Variants in CRAT observed in about 807,000 individuals in gnomAD.
CRAT encodes carnitine O-acetyltransferase.
CRAT carries 66 observed loss-of-function variants against 73.7 expected under a neutral mutation model. The ratio of observed to expected loss-of-function variants is 0.90; its 90% CI spans 0.73 to 1.10. The LOEUF is 1.10. CRAT is among the 50% of genes least tolerant of loss of function. The pLI, the probability that CRAT is intolerant of heterozygous loss-of-function variation, is 0.00. For synonymous variants in CRAT, 321 were observed against 343.2 expected, an observed-to-expected ratio of 0.94 and a Z score of 0.71; for missense variants, 745 against 846.9, an observed-to-expected ratio of 0.88 and a Z score of 1.49.
Position 129,100,469 on chromosome 9 carries a change from G to A in CRAT, c.984+42C>T, listed in dbSNP as rs771433014. On this transcript the variant is annotated intron_variant, in intron 7 of 13. Transcript: ENST00000318080. ...GAAGTCCCGAGGCTGCAGAGGTCCT[G>A]TTCAGGTGTGTGTGAGTGGGCGAAG... The A allele has an allele frequency of 9.5e-6, 15 of 1,587,166 alleles. No individual in the cohort carries two copies. In the South Asian group the frequency reaches 1.7e-4, roughly 18 times the overall value.
At chr9:129,102,344 C>T (rs1335341411) in intron 5 of CRAT, 56 bp downstream of exon 5, 22 of 1,605,662 alleles carry the variant, frequency 1.4e-5, no homozygotes, top group African/African-American at 6.7e-5. Flanking sequence ...TGCGGCCGTC[C>T]GGCTGTACTC....
At chr9:129,109,780 T>C (rs754341878) in intron 1 of CRAT, among the ~76,000 whole-genome samples, 11 of 151,838 alleles carry the variant, frequency 7.2e-5, no homozygotes, top group Non-Finnish European at 1.3e-4. Context: ...CAGCAACATA[T>C]GCTTGGATCA....
Position 129,110,420 on chromosome 9 carries a change from A to T in CRAT, c.27+63T>A. The T allele has an allele frequency of 6.8e-7, 1 of 1,476,306 alleles. No individual in the cohort carries two copies. Among genetic ancestry groups the T allele is most frequent in the Non-Finnish European group, 9.0e-7 (1 of 1,116,080 alleles). 91.5% of individuals were successfully genotyped at this position (1,476,306 alleles called of 1,614,324 possible). On this transcript the variant is annotated intron_variant, in intron 1 of 13. Transcript: ENST00000318080. This position sits in a 1 kb window ranked among gnomAD's most constrained non-coding sequence, Gnocchi z 5.3. The stretch of plus-strand genomic sequence containing the variant: ...CGCAGGACGCGGTCTCCGTTCCCGG[A>T]CGCAACCGCACGGCCCGCCCAGGCC...
At position 129,102,076 on chromosome 9, in the gene CRAT, G is replaced by A. The variant is rs1422457510; in HGVS notation, c.631-19C>T. 2 of 1,611,076 alleles carry A rather than the reference G, an allele frequency of 1.2e-6. No homozygotes were observed. The highest frequency in any genetic ancestry group is 1.7e-6 in the Non-Finnish European group (2 of 1,178,420). On this transcript the variant is annotated intron_variant, in intron 5 of 13. Transcript: ENST00000318080. ...CAAAAAACTGTTGGGGCACAGGCAG[G>A]TAAGAGGAGGGAGCTGAGTGGGGAC...
rs139321162 is a variant in CRAT, at chr9:129,107,841, C to G, written c.264G>C (p.Glu88Asp). Residue 88 changes from glutamate to aspartate, a missense_variant, in exon 2 of 14, where the codon GAG (glutamate) becomes GAC (aspartate). Physicochemically the swap from Glu to Asp is conservative, Grantham distance 45. Coordinates refer to ENST00000318080, the MANE Select transcript of CRAT (RefSeq NM_000755.5). The surrounding 1 kb of genome is among the most constrained non-coding windows in gnomAD (Gnocchi z 5.0). Reference protein sequence around the residue: ...GVGERLQKGLERRARKTENWL... With the variant: ...GVGERLQKGLDRRARKTENWL... The stretch of plus-strand genomic sequence containing the variant: ...AGTTCTCCGTCTTCCTGGCCCGACG[C>G]TCCAGCCCCTTCTGCAGGCGCTCCC... The G allele has an allele frequency of 6.2e-7, 1 of 1,612,844 alleles. No homozygotes were observed. Among genetic ancestry groups the G allele is most frequent in the African/African-American group, 1.3e-5 (1 of 74,922 alleles).
In CRAT at chr9:129,098,549, G is replaced by C. The variant is rs907347163; in HGVS notation, c.1187C>G (p.Ala396Gly). 5.6e-6 allele frequency: 9 copies of C among 1,607,608 alleles called. No homozygotes were observed. Among genetic ancestry groups the C allele is most frequent in the African/African-American group, 1.3e-5 (1 of 74,328 alleles). ...CACTTACATGCTGAGGTTCTGCTTG[G>C]CCTTCTCGATGTCGCTCTTGATCTC... is the stretch of plus-strand genomic sequence containing the variant. ...TPEIKSDIEK[A>G]KQNLSIMIQD... The change falls in exon 9 of 14, where the codon GCC becomes GGC. Residue 396 changes from alanine to glycine, a missense_variant. Physicochemically the swap from Ala to Gly is moderately conservative, Grantham distance 60. Transcript: ENST00000318080.
chr9:129,102,559 G>T lies in CRAT; in HGVS notation c.471C>A (p.Thr157=), dbSNP rs764405623. Residue 157 remains threonine, a synonymous_variant, in exon 5 of 14, where the codon ACC becomes ACA. Coordinates refer to ENST00000318080, the MANE Select transcript of CRAT (RefSeq NM_000755.5). ...LDFKVMIDNE[T]LPVEYLGGKP... is the part of the protein sequence containing the mutation. Reference sequence around the variant, plus strand: ...TCCCCCCCAGGTACTCCACGGGCAGGGTCTCGCTATGGGGTAGAGGGGCAG... The same window carrying T: ...TCCCCCCCAGGTACTCCACGGGCAGTGTCTCGCTATGGGGTAGAGGGGCAG... The T allele has an allele frequency of 6.2e-7, 1 of 1,613,944 alleles. No individual in the cohort carries two copies. Among genetic ancestry groups the T allele is most frequent in the Non-Finnish European group, 8.5e-7 (1 of 1,179,994 alleles).
chr9:129,105,098 G>A (rs1847936950), intron 2 of CRAT, among the ~76,000 whole-genome samples: 1 of 149,992 alleles, frequency 6.7e-6, no homozygotes, highest in Non-Finnish European at 1.5e-5. Flanking sequence ...GTAGAGACGG[G>A]GTTTCACCGT....
Position 129,110,520 on chromosome 9 carries a change from C to T in CRAT, c.-11G>A, listed in dbSNP as rs748899552. ...AGCGAAGGCTAACATCTTCGCTGCC[C>T]GTCCGCGGACACGCAGTCCGCTCCG... On this transcript the variant is annotated 5_prime_UTR_variant, in exon 1 of 14. Transcript: ENST00000318080. The surrounding 1 kb of genome is among the most constrained non-coding windows in gnomAD (Gnocchi z 5.3). 11 of 1,576,450 alleles carry T rather than the reference C, an allele frequency of 7.0e-6. No homozygotes were observed. In the South Asian group the frequency reaches 8.1e-5, roughly 12 times the overall value.
At chr9:129,102,610 G>A in intron 4 of CRAT, 45 bp from the exon 5 acceptor site, 1 of 1,605,682 alleles carries the variant, frequency 6.2e-7, no homozygotes, top group Non-Finnish European at 8.5e-7. Flanking sequence ...GCAAGTGAAT[G>A]GGGAGGAGGG....
At chr9:129,109,351 G>T in intron 1 of CRAT, 6 of 1,150,554 alleles carry the variant, frequency 5.2e-6, no homozygotes, top group South Asian at 5.2e-5. Flanking sequence ...CAGAAGCCCT[G>T]CCTATTTCCT....
chr9:129,095,389 C>A lies in CRAT; in HGVS notation c.*8G>T. 2 of 1,608,694 alleles carry A rather than the reference C, an allele frequency of 1.2e-6. No individual in the cohort carries two copies. The highest frequency in any genetic ancestry group is 2.2e-5 in the South Asian group (2 of 91,016). On this transcript the variant is annotated 3_prime_UTR_variant, in exon 14 of 14. Transcript: ENST00000318080. ...GCTGTGGCATTGGCAGGCCTGAGTC[C>A]TAGGGGCTCAGAGCTTGGCCCGGGG...
Position 129,103,625 on chromosome 9 carries a change from C to A in CRAT, c.411-559G>T, listed in dbSNP as rs545156955. Among the ~76,000 whole-genome samples the A allele has an allele frequency of 1.3e-5, 2 of 152,278 alleles. No homozygotes were observed. The highest frequency in any genetic ancestry group is 3.9e-4 in the East Asian group (2 of 5,180). On this transcript the variant is annotated intron_variant, in intron 3 of 13. Coordinates refer to ENST00000318080, the MANE Select transcript of CRAT (RefSeq NM_000755.5). The surrounding 1 kb of genome is among the most constrained non-coding windows in gnomAD (Gnocchi z 4.6). ...GCTTGGGGCCGCCCCTGGATCCCACCATGGGGACCAGTGGCTGGAGTTCCT... is the reference window on the plus strand; with the variant it reads ...GCTTGGGGCCGCCCCTGGATCCCACAATGGGGACCAGTGGCTGGAGTTCCT...
In CRAT at chr9:129,095,582, A is replaced by G; in HGVS notation, c.1696T>C (p.Phe566Leu). Residue 566 changes from phenylalanine (F) to leucine (L), a missense_variant, in exon 14 of 14, where the codon TTC becomes CTC. Physicochemically the swap from Phe to Leu is conservative, Grantham distance 22. Coordinates refer to ENST00000318080, the MANE Select transcript of CRAT (RefSeq NM_000755.5). ...TAGCCGTCGGGGACCACGGGCCCGA[A>G]GAACATGACACAGTCTGTCTTGGCA... ...VPAKTDCVMF[F>L]GPVVPDGYGV... is the part of the protein sequence containing the mutation. The G allele has an allele frequency of 6.2e-7, 1 of 1,613,232 alleles. No individual in the cohort carries two copies. The highest frequency in any genetic ancestry group is 8.5e-7 in the Non-Finnish European group (1 of 1,179,968).
In CRAT at chr9:129,097,326, G is replaced by A. The variant is rs370211394; in HGVS notation, c.1465-14C>T. The A allele has an allele frequency of 6.4e-7, 1 of 1,558,926 alleles. No homozygotes were observed. The highest frequency in any genetic ancestry group is 1.3e-5 in the African/African-American group (1 of 74,198). ...CTTCTGGTGCTCCTAGAGTGGTGAG[G>A]GTCAGAGGGAGCTGAAGCACTGTCC... is the stretch of plus-strand genomic sequence containing the variant. On this transcript the variant is annotated splice_polypyrimidine_tract_variant and intron_variant, in intron 11 of 13. Transcript: ENST00000318080.
rs1183619446 is a variant in CRAT at position 129,101,898 on chromosome 9, T to C, written c.790A>G (p.Asn264Asp). 6.2e-7 allele frequency: 1 copy of C among 1,613,916 alleles called. No homozygotes were observed. Among genetic ancestry groups the C allele is most frequent in the South Asian group, 1.1e-5 (1 of 91,056 alleles). Residue 264 changes from asparagine (N) to aspartate (D), a missense_variant, in exon 6 of 14, where the codon AAC (asparagine) becomes GAC (aspartate). Asn to Asp is a conservative substitution (Grantham distance 23). Transcript: ENST00000318080. ...CAAGAGGCACCTTTGATGAGGGTGTTGTATGCCTTGGCCCAGGAGTTGCGG... is the reference window on the plus strand; with the variant it reads ...CAAGAGGCACCTTTGATGAGGGTGTCGTATGCCTTGGCCCAGGAGTTGCGG... Reference protein sequence around the residue: ...NHRNSWAKAYNTLIKDKVNRD... With the variant: ...NHRNSWAKAYDTLIKDKVNRD...
intron 2 of CRAT, among the ~76,000 whole-genome samples, chr9:129,104,943 C>A (rs548320641): frequency 6.8e-6 from 1 of 147,214 alleles, no homozygotes; most frequent in South Asian, 2.2e-4. Context: ...CTCTGTCCCC[C>A]ACGCTGGAGT....
At position 129,102,498 on chromosome 9, in the gene CRAT, A is replaced by G. The variant is rs1588452624; in HGVS notation, c.532T>C (p.Ser178Pro). 1 of 1,614,100 alleles carries G rather than the reference A, an allele frequency of 6.2e-7. No homozygotes were observed. The highest frequency in any genetic ancestry group is 8.5e-7 in the Non-Finnish European group (1 of 1,180,016). ...LCMNQYYQIL[S>P]SCRVPGPKQD... ...TTGGGGCCCGGCACTCGGCAGGAGG[A>G]CAAGATCTGATAGTACTGGTTCATG... Residue 178 changes from serine (S) to proline (P), a missense_variant, in exon 5 of 14, where the codon TCC becomes CCC. By Grantham distance (74) the Ser-to-Pro change is moderately conservative. Transcript: ENST00000318080.
Position 129,095,351 on chromosome 9 carries a change from C to G in CRAT, c.*46G>C, listed in dbSNP as rs2229419. The stretch of plus-strand genomic sequence containing the variant: ...CTGAGCCCTGGTGGGTGGCCCATCC[C>G]AGGGTGGGCTTGGCTGTGGCATTGG... On this transcript the variant is annotated 3_prime_UTR_variant, in exon 14 of 14. Transcript: ENST00000318080. 1.3e-6 allele frequency: 2 copies of G among 1,590,822 alleles called. No individual in the cohort carries two copies. Among genetic ancestry groups the G allele is most frequent in the Non-Finnish European group, 1.7e-6 (2 of 1,170,096 alleles).
Sources: allele counts gnomAD v4.1 joint callset (sites outside exome capture counted in the v4.1 genomes callset), GRCh38; gene constraint gnomAD v4.1.1; non-coding constraint Gnocchi (gnomAD v3.1); transcripts MANE v1.5; gene names NCBI Gene and HGNC (gene_info 2026-07-23, HGNC 2026-07-21).